SRP72: variants seen among roughly 807,000 people sequenced by gnomAD.
SRP72 encodes signal recognition particle subunit SRP72.
SRP72 carries 49 observed loss-of-function variants against 96.3 expected under a neutral mutation model. The observed-to-expected ratio is 0.51, with a 90% CI of 0.40 to 0.65. SRP72 has a LOEUF of 0.65. Ranked by LOEUF, SRP72 falls within the 30% of genes least tolerant of loss-of-function variation. SRP72 has a pLI of 0.00. For synonymous variants in SRP72, 267 were observed against 275.2 expected (o/e 0.97, Z 0.30); for missense variants, 736 against 793.3 (o/e 0.93, Z 0.87).
Position 56,471,515 on chromosome 4 carries a change from A to C in SRP72, c.231-205A>C, listed in dbSNP as rs375391250. On this transcript the variant is annotated intron_variant, in intron 2 of 18. Transcript: ENST00000642900. Reference sequence around the variant, plus strand: ...TTTAATAACAATATCCATGAAAGAGAGGCTAGGGAAGTTGATATATGCTTA... The same window carrying C: ...TTTAATAACAATATCCATGAAAGAGCGGCTAGGGAAGTTGATATATGCTTA... Among the ~76,000 whole-genome samples the C allele has an allele frequency of 5.3e-5, 8 of 152,328 alleles. 1 individual carries two copies. In the East Asian group the frequency reaches 1.5e-3, roughly 29 times the overall value.
At chr4:56,470,043 G>T in intron 2 of SRP72, among the ~76,000 whole-genome samples, 1 of 149,158 alleles carries the variant, frequency 6.7e-6, no homozygotes, top group Non-Finnish European at 1.5e-5. Flanking sequence ...AGAGTTGTGG[G>T]GCATAATTAT....
chr4:56,474,341 T>C lies in SRP72; in HGVS notation c.560T>C (p.Ile187Thr). ...ELCYNTACAL[I>T]GQGQLNQAMK... The stretch of plus-strand genomic sequence containing the variant: ...TGCTACAACACTGCATGTGCACTGA[T>C]AGGCCAAGGCCAGCTGAACCAGGCC... Residue 187 changes from isoleucine to threonine, a missense_variant, in exon 5 of 19, where the codon ATA becomes ACA. Transcript: ENST00000642900. 1 of 1,614,176 alleles carries C rather than the reference T, an allele frequency of 6.2e-7. No homozygotes were observed. The highest frequency in any genetic ancestry group is 8.5e-7 in the Non-Finnish European group (1 of 1,180,036).
Position 56,484,853 on chromosome 4 carries a change from G to C in SRP72, c.1075G>C (p.Glu359Gln). The C allele has an allele frequency of 3.1e-6, 5 of 1,608,150 alleles. No homozygotes were observed. The highest frequency in any genetic ancestry group is 3.4e-6 in the Non-Finnish European group (4 of 1,178,830). ...TGAAAAGCAGCACACAAAAGCAATAGAGCTGCTTCAGGTAAAATAATTACT... is the reference window on the plus strand; with the variant it reads ...TGAAAAGCAGCACACAAAAGCAATACAGCTGCTTCAGGTAAAATAATTACT... ...CREKQHTKAIELLQEFSDQHP... is the reference protein window; with the variant it reads ...CREKQHTKAIQLLQEFSDQHP... Residue 359 changes from glutamate (E) to glutamine (Q), a missense_variant, in exon 10 of 19, where the codon GAG becomes CAG. Coordinates refer to ENST00000642900, the MANE Select transcript of SRP72 (RefSeq NM_006947.4).
intron 6 of SRP72, 80 bp downstream of exon 6, chr4:56,476,782 T>G: frequency 6.9e-7 from 1 of 1,453,068 alleles, no homozygotes; most frequent in Middle Eastern, 2.3e-4. Flanking sequence ...GTACTATTTA[T>G]TGACTTTTTT....
In SRP72 at chr4:56,502,489, A is replaced by G. The variant is rs1277634102; in HGVS notation, c.*628A>G. 3 of 99,040 alleles carry G rather than the reference A, an allele frequency of 3.0e-5. No homozygotes were observed. In the Admixed American group the frequency reaches 3.3e-4, roughly 11 times the overall value. 6.1% of individuals were successfully genotyped at this position (99,040 alleles called of 1,614,324 possible). ...TTTATATATATATATATATGTATAT[A>G]TATATACATATATATATATATATAA... is the stretch of plus-strand genomic sequence containing the variant. On this transcript the variant is annotated 3_prime_UTR_variant, in exon 19 of 19. Coordinates refer to ENST00000642900, the MANE Select transcript of SRP72 (RefSeq NM_006947.4).
At chr4:56,489,194 A>G (rs1459490789) in intron 12 of SRP72, 194 bp from the exon 13 acceptor site, 2 of 414,884 alleles carry the variant, frequency 4.8e-6, no homozygotes, top group Non-Finnish European at 8.6e-6. Flanking sequence ...CTACCTTCAT[A>G]TTTGGAAAAC....
rs765000087 is a variant in SRP72 at position 56,489,372 on chromosome 4, AC to A, written c.1225-14del. On this transcript the variant is annotated splice_polypyrimidine_tract_variant and intron_variant, in intron 12 of 18. Coordinates refer to ENST00000642900, the MANE Select transcript of SRP72 (RefSeq NM_006947.4). ...GTGAAGGGGGAGTTCACTAATTTAT[AC>A]CTTTGGCTGTGTAGGTATCTGCATT... is the stretch of plus-strand genomic sequence containing the variant. 8 of 1,504,894 alleles carry A rather than the reference AC, an allele frequency of 5.3e-6. No homozygotes were observed. The highest frequency in any genetic ancestry group is 7.3e-6 in the Non-Finnish European group (8 of 1,100,402). The allele number at this position is 1,504,894 out of a possible 1,614,324, so 93.2% of individuals were successfully genotyped here.
rs113360748 is a variant in SRP72, at chr4:56,474,134, G to A, written c.435G>A (p.Glu145=). 3.7e-6 allele frequency: 6 copies of A among 1,614,198 alleles called. No homozygotes were observed. The African/African-American group carries it at 5.3e-5, about 14-fold the overall frequency. Reference sequence around the variant, plus strand: ...GAAACTCCCAAGATGATTATGATGAGGAGAGGAAAACAAACCTTTCAGCAG... The same window carrying A: ...GAAACTCCCAAGATGATTATGATGAAGAGAGGAAAACAAACCTTTCAGCAG... ...LVRNSQDDYD[E]ERKTNLSAVV... Residue 145 remains glutamate (E), a synonymous_variant, in exon 4 of 19, where the codon GAG becomes GAA. Coordinates refer to ENST00000642900, the MANE Select transcript of SRP72 (RefSeq NM_006947.4).
chr4:56,493,897 A>G (rs1397619643), intron 16 of SRP72, among the ~76,000 whole-genome samples: 1 of 152,150 alleles, frequency 6.6e-6, no homozygotes, highest in Non-Finnish European at 1.5e-5. Context: ...GCAGAAGGAA[A>G]TATATTTAAA....
At chr4:56,474,724 A>G (rs183038023) in intron 5 of SRP72, among the ~76,000 whole-genome samples, 52 of 152,104 alleles carry the variant, frequency 3.4e-4, no homozygotes, top group Admixed American at 3.3e-3. Context: ...TTGTATGTTT[A>G]GTAGAAATGG....
intron 1 of SRP72, 55 bp downstream of exon 1, chr4:56,467,799 T>C: frequency 1.4e-6 from 2 of 1,398,990 alleles, no homozygotes; most frequent in South Asian, 1.5e-5. Context: ...GGATGCGGCC[T>C]GTTTCCGGCG....
chr4:56,475,403 A>AT (rs1553945338), intron 5 of SRP72, among the ~76,000 whole-genome samples: 2 of 150,862 alleles, frequency 1.3e-5, no homozygotes, highest in African/African-American at 2.4e-5. Flanking sequence ...ACAAAAAAAA[A>AT]ATATATATGT....
chr4:56,485,866 T>G (rs1351879650), intron 10 of SRP72, among the ~76,000 whole-genome samples: 4 of 152,146 alleles, frequency 2.6e-5, no homozygotes, highest in Admixed American at 2.0e-4. Flanking sequence ...ATATACAAAC[T>G]TTAAAAATCA....
At chr4:56,500,828 A>C in intron 18 of SRP72, 133 bp downstream of exon 18, 3 of 852,658 alleles carry the variant, frequency 3.5e-6, no homozygotes, top group Non-Finnish European at 5.0e-6. Context: ...TTTATACTAC[A>C]CTTATGCAAA....
At chr4:56,479,641 G>A (rs1054288354) in intron 8 of SRP72, among the ~76,000 whole-genome samples, 6 of 149,482 alleles carry the variant, frequency 4.0e-5, no homozygotes, top group East Asian at 3.9e-4. Flanking sequence ...CACCATGCCC[G>A]GCTAATTTAA....
At position 56,478,606 on chromosome 4, in the gene SRP72, G is replaced by A. The variant is rs757509778; in HGVS notation, c.782G>A (p.Gly261Glu). 1 of 1,614,002 alleles carries A rather than the reference G, an allele frequency of 6.2e-7. No homozygotes were observed. The highest frequency in any genetic ancestry group is 8.5e-7 in the Non-Finnish European group (1 of 1,179,958). ...GTTGTTCACAGACCAACAGATGTGG[G>A]ATTACTAGCTGTAATTGCAAATAAC... Reference protein sequence around the residue: ...QIIKLKPTDVGLLAVIANNII... With the variant: ...QIIKLKPTDVELLAVIANNII... The change falls in exon 8 of 19, where the codon GGA becomes GAA. Residue 261 changes from glycine (G) to glutamate (E), a missense_variant. Coordinates refer to ENST00000642900, the MANE Select transcript of SRP72 (RefSeq NM_006947.4).
intron 11 of SRP72, among the ~76,000 whole-genome samples, chr4:56,486,722 G>A (rs1229246943): frequency 1.3e-5 from 2 of 152,102 alleles, no homozygotes; most frequent in African/African-American, 4.8e-5. Context: ...GCTTATGTCC[G>A]TCACTTGGTA....
intron 16 of SRP72, 73 bp from the exon 17 acceptor site, chr4:56,495,284 T>C (rs890542917): frequency 1.9e-6 from 2 of 1,051,362 alleles, no homozygotes; most frequent in South Asian, 1.6e-5. Context: ...AACTAACTCT[T>C]ATAGAGCACT....
intron 16 of SRP72, among the ~76,000 whole-genome samples, chr4:56,493,008 G>GT (rs998101022): frequency 6.6e-5 from 10 of 152,022 alleles, no homozygotes; most frequent in Non-Finnish European, 1.3e-4. Flanking sequence ...GTTTTTAAAA[G>GT]TTTTTTTAAA....
Sources: gnomAD v4.1 joint callset for allele counts (sites outside exome capture counted in the v4.1 genomes callset) on GRCh38, gnomAD v4.1.1 for gene constraint, MANE v1.5 for transcripts, NCBI Gene and HGNC (gene_info 2026-07-23, HGNC 2026-07-21) for gene names.